The following DOCK7 variants were observed in gnomAD, a reference collection of about 807,000 sequenced individuals.
The protein encoded by DOCK7 is dedicator of cytokinesis 7.
A neutral mutation model predicts 271.0 loss-of-function variants in DOCK7; 138 were observed. The observed-to-expected ratio is 0.51, with a 90% CI of 0.44 to 0.59. DOCK7 has a LOEUF of 0.59. DOCK7 is among the 20% of genes least tolerant of loss of function. The pLI is 0.00. For synonymous variants in DOCK7, 823 were observed against 876.1 expected (o/e 0.94, Z 1.07); for missense variants, 2,066 against 2,592.4 (o/e 0.80, Z 4.41).
intron 39 of DOCK7, chr1:62,495,212 T>C (rs1421320119): frequency 6.5e-6 from 1 of 154,942 alleles, no homozygotes; most frequent in Non-Finnish European, 1.4e-5. Context: ...ATAAGTACAT[T>C]TGCATTGTTC....
At chr1:62,631,153 C>T in intron 11 of DOCK7, 87 bp downstream of exon 11, 1 of 1,261,360 alleles carries the variant, frequency 7.9e-7, no homozygotes, top group South Asian at 1.7e-5. Context: ...CCACTGCCCT[C>T]CAGCCTAGGC....
intron 4 of DOCK7, among the ~76,000 whole-genome samples, chr1:62,652,937 G>A (rs1657558906): frequency 6.6e-6 from 1 of 152,082 alleles, no homozygotes; most frequent in East Asian, 1.9e-4. Flanking sequence ...TTAGCACAAT[G>A]TAAAGCCTAG....
At chr1:62,683,307 T>C (rs753555367) in intron 1 of DOCK7, among the ~76,000 whole-genome samples, 18 of 152,070 alleles carry the variant, frequency 1.2e-4, no homozygotes, top group African/African-American at 3.4e-4. Flanking sequence ...ACGGAAGTAG[T>C]TGGTAATATA....
chr1:62,557,054 CT>C (rs1646166387), intron 20 of DOCK7, among the ~76,000 whole-genome samples: 2 of 118,738 alleles, frequency 1.7e-5, no homozygotes, highest in Middle Eastern at 4.1e-3. Flanking sequence ...TCATGTTTTT[CT>C]TTTTCTTTTC....
At chr1:62,486,446 C>T (rs1646296372) in intron 43 of DOCK7, 1 of 152,046 alleles carries the variant, frequency 6.6e-6, no homozygotes, top group Non-Finnish European at 1.5e-5. Context: ...ACAAATATAC[C>T]TAGCTTTAAA....
At chr1:62,463,613 C>T (rs949769353) in intron 48 of DOCK7, among the ~76,000 whole-genome samples, 1 of 152,072 alleles carries the variant, frequency 6.6e-6, no homozygotes, top group Non-Finnish European at 1.5e-5. Flanking sequence ...ATTCATAAAA[C>T]GGATTATGTA....
chr1:62,631,856 G>T (rs965850084), intron 10 of DOCK7, among the ~76,000 whole-genome samples: 1 of 152,162 alleles, frequency 6.6e-6, no homozygotes, highest in African/African-American at 2.4e-5. Context: ...GAGTGGGGAA[G>T]CACGAATAGG....
chr1:62,513,492 G>A lies in DOCK7; in HGVS notation c.4234C>T (p.Arg1412Trp), dbSNP rs1644562529. 1.2e-6 allele frequency: 2 copies of A among 1,613,872 alleles called. No individual in the cohort carries two copies. The highest frequency in any genetic ancestry group is 1.7e-6 in the Non-Finnish European group (2 of 1,179,938). ...GSIGARQEMV[R>W]RSRGQLGTYT... ...GTACCGAGCTGTCCTCGGCTTCGCC[G>A]TACCATTTCTTGCCTGGCACCTATG... Residue 1412 changes from arginine to tryptophan, a missense_variant, in exon 33 of 50, where the codon CGG (arginine) becomes TGG (tryptophan). By Grantham distance (101) the Arg-to-Trp change is moderately radical (BLOSUM62 -3). Transcript: ENST00000635253.
At chr1:62,573,263 C>T (rs1646843255) in intron 18 of DOCK7, among the ~76,000 whole-genome samples, 1 of 152,148 alleles carries the variant, frequency 6.6e-6, no homozygotes, top group South Asian at 2.1e-4. Flanking sequence ...TTGGAAGAAG[C>T]TGTCAGTGCA....
chr1:62,670,159 C>T (rs1659797184), intron 1 of DOCK7, among the ~76,000 whole-genome samples: 1 of 152,214 alleles, frequency 6.6e-6, no homozygotes, highest in Non-Finnish European at 1.5e-5. Flanking sequence ...GCCCGCCATG[C>T]CTGAGCCTCT....
chr1:62,462,440 T>C (rs992386271), intron 48 of DOCK7, among the ~76,000 whole-genome samples: 2 of 152,170 alleles, frequency 1.3e-5, no homozygotes, highest in Non-Finnish European at 2.9e-5. Context: ...GAAAGAGAGA[T>C]AAATAGAGTA....
chr1:62,569,579 A>G (rs1646698116), intron 18 of DOCK7, among the ~76,000 whole-genome samples: 1 of 152,206 alleles, frequency 6.6e-6, no homozygotes, highest in Non-Finnish European at 1.5e-5. Flanking sequence ...TATTGAAGGA[A>G]CATACCTCAA....
intron 31 of DOCK7, among the ~76,000 whole-genome samples, chr1:62,526,598 A>G (rs1288524504): frequency 6.6e-6 from 1 of 152,148 alleles, no homozygotes; most frequent in African/African-American, 2.4e-5. Context: ...AGATGAAAAC[A>G]TATGTGGACA....
chr1:62,553,346 ATATATATATTTTTTTTTT>A (rs1218822792), intron 21 of DOCK7, among the ~76,000 whole-genome samples: 1 of 24,392 alleles, frequency 4.1e-5, no homozygotes, highest in African/African-American at 2.5e-4. Context: ...ATATATATAT[ATATATATATTTTTTTTTT>A]TTTTTTTTTT....
At position 62,688,272 on chromosome 1, in the gene DOCK7, G is replaced by GCGGCGACGGCGA; in HGVS notation, c.-20_-9dup. Reference sequence around the variant, plus strand: ...GGCGCGGCGCTCGGCCATGGCTGCTGCGGCGACGGCGACGGCGGCGGCGGC... The same window carrying GCGGCGACGGCGA: ...GGCGCGGCGCTCGGCCATGGCTGCTGCGGCGACGGCGACGGCGACGGCGACGGCGGCGGCGGC... On this transcript the variant is annotated 5_prime_UTR_variant, in exon 1 of 50. Coordinates refer to ENST00000635253, the MANE Select transcript of DOCK7 (RefSeq NM_001367561.1). 1 of 1,299,500 alleles carries GCGGCGACGGCGA rather than the reference G, an allele frequency of 7.7e-7. No individual in the cohort carries two copies. Among genetic ancestry groups the GCGGCGACGGCGA allele is most frequent in the South Asian group, 2.2e-5 (1 of 44,452 alleles). The allele number at this position is 1,299,500 out of a possible 1,614,324, so 80.5% of individuals were successfully genotyped here. A position where few individuals can be genotyped will look rare whatever the true frequency, so the allele number is the denominator to read the frequency against.
At chr1:62,539,954 A>G (rs1645473257) in intron 25 of DOCK7, 62 bp from the exon 26 acceptor site, 4 of 1,150,472 alleles carry the variant, frequency 3.5e-6, no homozygotes, top group Non-Finnish European at 4.8e-6. Context: ...CAACAACTCT[A>G]AACACTTGGA....
rs566143482 is a variant in DOCK7 at position 62,553,855 on chromosome 1, A to G, written c.2597-954T>C. Among the ~76,000 whole-genome samples, 375 of 143,542 alleles carry G rather than the reference A, an allele frequency of 2.6e-3. 3 individuals carry two copies. Among genetic ancestry groups the G allele is most frequent in the African/African-American group, 8.3e-3 (338 of 40,678 alleles). The allele number at this position is 143,542 out of a possible 152,430, so 94.2% of individuals were successfully genotyped here. ...CACAGACGTGTGCGTGCGTGCGCGC[A>G]CACACACACACACGCACACGCAGCC... On this transcript the variant is annotated intron_variant, in intron 21 of 49. Transcript: ENST00000635253.
rs1380977498 is a variant in DOCK7 at position 62,601,339 on chromosome 1, T to C, written c.1683-14715A>G. ...CTAAACTGGATGCTGGGGTTCTTTT[T>C]ACACCCTATAAAAGACATACCTAAG... On this transcript the variant is annotated intron_variant, in intron 14 of 49. Coordinates refer to ENST00000635253, the MANE Select transcript of DOCK7 (RefSeq NM_001367561.1). 3 of 652,828 alleles carry C rather than the reference T, an allele frequency of 4.6e-6. No individual in the cohort carries two copies. In the East Asian group the frequency reaches 8.3e-5, roughly 18 times the overall value. 40.4% of individuals were successfully genotyped at this position (652,828 alleles called of 1,614,324 possible).
chr1:62,558,778 A>G (rs1049661257), intron 20 of DOCK7, among the ~76,000 whole-genome samples: 12 of 152,292 alleles, frequency 7.9e-5, no homozygotes, highest in Non-Finnish European at 7.4e-5. Flanking sequence ...ATTTGTTTCT[A>G]TAATTTCAGT....
Sources: allele counts gnomAD v4.1 joint callset (sites outside exome capture counted in the v4.1 genomes callset), GRCh38; gene constraint gnomAD v4.1.1; transcripts MANE v1.5; gene names NCBI Gene and HGNC (gene_info 2026-07-23, HGNC 2026-07-21).